Variants in LRRTM4 observed in about 807,000 individuals in gnomAD.
LRRTM4 encodes leucine rich repeat transmembrane neuronal 4.
In LRRTM4, 25 loss-of-function variants were observed where a neutral mutation model predicts 47.6. The ratio of observed to expected loss-of-function variants is 0.53; its 90% CI spans 0.38 to 0.73. LRRTM4 has a LOEUF of 0.73. LRRTM4 is among the 30% of genes least tolerant of loss of function. The pLI is 0.00. For synonymous variants in LRRTM4, 311 were observed against 269.5 expected (o/e 1.15, Z -1.51); for missense variants, 638 against 713.4 (o/e 0.89, Z 1.20).
chr2:77,452,620 C>T (rs940465609), intron 3 of LRRTM4, among the ~76,000 whole-genome samples: 2 of 152,114 alleles, frequency 1.3e-5, no homozygotes, highest in South Asian at 2.1e-4. Context: ...AGAAGGATCC[C>T]GCACTTGGTT....
intron 3 of LRRTM4, among the ~76,000 whole-genome samples, chr2:76,975,733 T>TATA (rs1479822079): frequency 6.6e-6 from 1 of 151,728 alleles, no homozygotes; most frequent in African/African-American, 2.4e-5. Context: ...CAGAGTACCT[T>TATA]ATAATAGGCC....
intron 3 of LRRTM4, among the ~76,000 whole-genome samples, chr2:76,777,680 A>C (rs62172091): frequency 6.6e-6 from 1 of 150,636 alleles, no homozygotes; most frequent in Non-Finnish European, 1.5e-5. Context: ...GGGGTTTTCT[A>C]GATATACAAT....
rs547042985 is a variant in LRRTM4, at chr2:77,288,530, G to A, written c.1551+229788C>T. On this transcript the variant is annotated intron_variant, in intron 3 of 3. Coordinates refer to ENST00000409884, the MANE Select transcript of LRRTM4 (RefSeq NM_001134745.3). The stretch of plus-strand genomic sequence containing the variant: ...TCATAAACTATAAAAAAGACTATAC[G>A]TGTTGGTTTTAAGAACTCATCATTT... 3.3e-5 allele frequency among the ~76,000 whole-genome samples: 5 copies of A among 152,058 alleles called. No homozygotes were observed. The East Asian group carries it at 9.7e-4, about 29-fold the overall frequency.
intron 3 of LRRTM4, among the ~76,000 whole-genome samples, chr2:77,399,764 G>T (rs1386606048): frequency 6.6e-6 from 1 of 151,894 alleles, no homozygotes; most frequent in Admixed American, 6.6e-5. Flanking sequence ...CTGAGAACAA[G>T]GACGAAATCA....
At chr2:77,239,258 A>G (rs1392410042) in intron 3 of LRRTM4, among the ~76,000 whole-genome samples, 1 of 152,030 alleles carries the variant, frequency 6.6e-6, no homozygotes, top group African/African-American at 2.4e-5. Flanking sequence ...ATGGAGCTTA[A>G]TATTATTTGC....
chr2:76,803,436 G>C (rs562823068), intron 3 of LRRTM4, among the ~76,000 whole-genome samples: 151 of 152,096 alleles, frequency 9.9e-4, no homozygotes, highest in African/African-American at 3.3e-3. Flanking sequence ...TTATAAGAAA[G>C]ACAAAAAAGT....
chr2:76,819,705 C>G (rs1053977444), intron 3 of LRRTM4, among the ~76,000 whole-genome samples: 3 of 151,918 alleles, frequency 2.0e-5, no homozygotes, highest in Non-Finnish European at 2.9e-5. Context: ...TACTCTCAGC[C>G]TACCAGTGCA....
chr2:76,795,712 C>A (rs886214842), intron 3 of LRRTM4, among the ~76,000 whole-genome samples: 2 of 152,096 alleles, frequency 1.3e-5, no homozygotes, highest in Admixed American at 1.3e-4. Flanking sequence ...CTTCTACATA[C>A]TGATGTCGTT....
chr2:77,233,582 T>C, intron 3 of LRRTM4, among the ~76,000 whole-genome samples: 1 of 152,240 alleles, frequency 6.6e-6, no homozygotes, highest in East Asian at 1.9e-4. Context: ...AAGTTTTCTA[T>C]ATCTCAATTT....
chr2:77,367,125 C>T (rs1045160015), intron 3 of LRRTM4, among the ~76,000 whole-genome samples: 1 of 151,700 alleles, frequency 6.6e-6, no homozygotes, highest in African/African-American at 2.4e-5. Flanking sequence ...ATTGATTTCT[C>T]GGCTTGGAAT....
chr2:77,218,470 C>T (rs1404078782), intron 3 of LRRTM4, among the ~76,000 whole-genome samples: 2 of 151,882 alleles, frequency 1.3e-5, no homozygotes, highest in Non-Finnish European at 2.9e-5. Context: ...TCCCATCTCT[C>T]TTAATGCCAT....
intron 3 of LRRTM4, among the ~76,000 whole-genome samples, chr2:76,795,696 C>A (rs67157909): frequency 0.45 from 68,652 of 151,744 alleles, 16,874 homozygotes; most frequent in East Asian, 0.67. Context: ...GGGAATGTAG[C>A]TATATCTTCT....
chr2:76,869,510 G>A (rs1252541743), intron 3 of LRRTM4, among the ~76,000 whole-genome samples: 1 of 152,090 alleles, frequency 6.6e-6, no homozygotes, highest in Non-Finnish European at 1.5e-5. Flanking sequence ...TTATTCTGAG[G>A]CTGATTTGAA....
intron 3 of LRRTM4, among the ~76,000 whole-genome samples, chr2:76,984,184 A>G (rs1251076296): frequency 1.3e-5 from 2 of 152,064 alleles, no homozygotes; most frequent in Non-Finnish European, 2.9e-5. Flanking sequence ...GAGAATTAAG[A>G]TACTGTGATA....
At chr2:77,139,167 C>CA (rs551757867) in intron 3 of LRRTM4, among the ~76,000 whole-genome samples, 2,254 of 151,518 alleles carry the variant, frequency 0.015, 42 homozygotes, top group Middle Eastern at 0.054. Context: ...AGAGACACAA[C>CA]AAAAAAAAGA....
At chr2:77,019,989 G>A (rs1376909248) in intron 3 of LRRTM4, among the ~76,000 whole-genome samples, 6 of 151,860 alleles carry the variant, frequency 4.0e-5, no homozygotes, top group African/African-American at 1.2e-4. Flanking sequence ...TGTGTTTTTT[G>A]ATAGCAAAAT....
intron 3 of LRRTM4, among the ~76,000 whole-genome samples, chr2:77,017,717 AG>A (rs1339805779): frequency 1.3e-5 from 2 of 152,182 alleles, no homozygotes; most frequent in Non-Finnish European, 2.9e-5. Flanking sequence ...GATATCTAAA[AG>A]AAAAATAAAT....
chr2:76,842,716 T>C (rs1671719443), intron 3 of LRRTM4, among the ~76,000 whole-genome samples: 1 of 150,654 alleles, frequency 6.6e-6, no homozygotes, highest in Non-Finnish European at 1.5e-5. Context: ...TTTAACTTTA[T>C]AAAAGTTTTT....
At chr2:77,124,276 A>T (rs1671598708) in intron 3 of LRRTM4, among the ~76,000 whole-genome samples, 1 of 152,110 alleles carries the variant, frequency 6.6e-6, no homozygotes, top group African/African-American at 2.4e-5. Flanking sequence ...TAGAATGTGG[A>T]AGTGGCCTGG....
Sources: gnomAD v4.1 joint callset for allele counts (sites outside exome capture counted in the v4.1 genomes callset) on GRCh38, gnomAD v4.1.1 for gene constraint, MANE v1.5 for transcripts, NCBI Gene and HGNC (gene_info 2026-07-23, HGNC 2026-07-21) for gene names.